Variants in TRHDE observed in about 807,000 individuals in gnomAD.
The protein encoded by TRHDE is thyrotropin-releasing hormone-degrading ectoenzyme.
TRHDE carries 72 observed loss-of-function variants against 125.7 expected under a neutral mutation model. The observed-to-expected ratio is 0.57, with a 90% CI of 0.47 to 0.70. The LOEUF is 0.70. Ranked by LOEUF, TRHDE falls within the 30% of genes least tolerant of loss-of-function variation. The probability of loss-of-function intolerance (pLI) is 0.00; values close to 1 mark genes in which losing one functional copy is unlikely to be tolerated. For missense variants in TRHDE, 1,110 were observed against 1,327.1 expected, an observed-to-expected ratio of 0.84 and a Z score of 2.54; for synonymous variants, 509 against 509.1, an observed-to-expected ratio of 1.00 and a Z score of 0.00.
intron 2 of TRHDE, among the ~76,000 whole-genome samples, chr12:72,206,745 AAATT>A (rs1442327486): frequency 6.6e-6 from 1 of 152,084 alleles, no homozygotes; most frequent in African/African-American, 2.4e-5. Context: ...TTAAAAAAGA[AAATT>A]AATACATAAT....
intron 2 of TRHDE, among the ~76,000 whole-genome samples, chr12:72,220,004 T>C (rs773085311): frequency 2.0e-5 from 3 of 152,118 alleles, no homozygotes; most frequent in Non-Finnish European, 4.4e-5. Context: ...GAAAGAAGCA[T>C]GGAGTAAGCC....
At chr12:72,309,911 A>G (rs1868460916) in intron 2 of TRHDE, 1 of 152,300 alleles carries the variant, frequency 6.6e-6, no homozygotes, top group Non-Finnish European at 1.5e-5. Flanking sequence ...GGCGAAGAAC[A>G]TTTTATTTTC....
rs1002161672 is a variant in TRHDE at position 72,670,074 on chromosome 12, C to A, written c.*6879C>A. The A allele has an allele frequency of 2.0e-5, 3 of 151,588 alleles. No homozygotes were observed. The highest frequency in any genetic ancestry group is 6.6e-5 in the Admixed American group (1 of 15,144). The allele number at this position is 151,588 out of a possible 1,614,324, so 9.4% of individuals were successfully genotyped here. A position where few individuals can be genotyped will look rare whatever the true frequency, so the allele number is the denominator to read the frequency against. ...AATATTATGAACTATTTTGAGTGGACCTAAATTTATTCAGTAATAAAGTTT... is the reference window on the plus strand; with the variant it reads ...AATATTATGAACTATTTTGAGTGGAACTAAATTTATTCAGTAATAAAGTTT... On this transcript the variant is annotated 3_prime_UTR_variant, in exon 19 of 19. Coordinates refer to ENST00000261180, the MANE Select transcript of TRHDE (RefSeq NM_013381.3).
At chr12:72,221,357 G>A (rs913854523) in intron 2 of TRHDE, among the ~76,000 whole-genome samples, 2 of 152,008 alleles carry the variant, frequency 1.3e-5, no homozygotes, top group Non-Finnish European at 1.5e-5. Context: ...TTAAATATAT[G>A]AAGAAATATA....
chr12:72,306,618 A>T (rs1038773315), intron 2 of TRHDE: 2 of 152,158 alleles, frequency 1.3e-5, no homozygotes, highest in African/African-American at 4.8e-5. Context: ...TCATGTAATG[A>T]TGTTCTTTTA....
At chr12:72,480,127 G>A (rs1186661131) in intron 5 of TRHDE, among the ~76,000 whole-genome samples, 3 of 151,812 alleles carry the variant, frequency 2.0e-5, no homozygotes, top group Admixed American at 6.6e-5. Context: ...AAACATACGT[G>A]TGCATGTGTC....
intron 2 of TRHDE, among the ~76,000 whole-genome samples, chr12:72,175,782 T>C (rs1182451428): frequency 3.3e-5 from 5 of 152,216 alleles, no homozygotes; most frequent in Non-Finnish European, 4.4e-5. Flanking sequence ...ATTATGAAGA[T>C]AAGCATGCTA....
At chr12:72,206,086 A>AT (rs34424314) in intron 2 of TRHDE, among the ~76,000 whole-genome samples, 18,862 of 135,554 alleles carry the variant, frequency 0.14, 1,900 homozygotes, top group African/African-American at 0.28. Context: ...CAAAGGACAG[A>AT]TTTTTTTTTT....
intron 2 of TRHDE, among the ~76,000 whole-genome samples, chr12:72,131,882 C>A (rs1875874747): frequency 6.6e-6 from 1 of 152,138 alleles, no homozygotes; most frequent in Non-Finnish European, 1.5e-5. Flanking sequence ...AAGCATGTTC[C>A]CCCTACAAGG....
At chr12:72,478,986 TA>T (rs1212806456) in intron 5 of TRHDE, among the ~76,000 whole-genome samples, 1 of 151,502 alleles carries the variant, frequency 6.6e-6, no homozygotes, top group Non-Finnish European at 1.5e-5. Context: ...ACTAACAGGT[TA>T]AACTAGCTTT....
At chr12:72,400,353 C>T (rs985848580) in intron 3 of TRHDE, among the ~76,000 whole-genome samples, 4 of 152,084 alleles carry the variant, frequency 2.6e-5, no homozygotes, top group East Asian at 1.9e-4. Flanking sequence ...ACTGTTGGTA[C>T]GAGCAATTCT....
intron 3 of TRHDE, among the ~76,000 whole-genome samples, chr12:72,421,160 A>G (rs1873937286): frequency 6.6e-6 from 1 of 152,108 alleles, no homozygotes. Flanking sequence ...CAACCAACTC[A>G]AATTTATGTC....
At chr12:72,652,738 A>G (rs1202322645) in intron 16 of TRHDE, among the ~76,000 whole-genome samples, 2 of 151,696 alleles carry the variant, frequency 1.3e-5, no homozygotes, top group African/African-American at 2.4e-5. Flanking sequence ...AGTGTTTAAT[A>G]TAAAGAATTT....
intron 2 of TRHDE, among the ~76,000 whole-genome samples, chr12:72,213,585 T>C (rs1877828512): frequency 6.6e-6 from 1 of 152,148 alleles, no homozygotes; most frequent in Non-Finnish European, 1.5e-5. Flanking sequence ...TGAAATCTGC[T>C]CTTTCCACTG....
At chr12:72,594,978 T>C (rs1871865612) in intron 12 of TRHDE, among the ~76,000 whole-genome samples, 1 of 150,862 alleles carries the variant, frequency 6.6e-6, no homozygotes, top group African/African-American at 2.4e-5. Flanking sequence ...ATGGATGAAA[T>C]TGGAAATCAT....
intron 5 of TRHDE, among the ~76,000 whole-genome samples, chr12:72,474,296 A>G (rs1876788315): frequency 6.6e-6 from 1 of 152,162 alleles, no homozygotes; most frequent in African/African-American, 2.4e-5. Context: ...ACAACATAAG[A>G]TCTGCCCTTC....
intron 6 of TRHDE, among the ~76,000 whole-genome samples, chr12:72,514,274 C>A (rs932958035): frequency 6.6e-6 from 1 of 151,982 alleles, no homozygotes; most frequent in Non-Finnish European, 1.5e-5. Context: ...ACAGCAGAAA[C>A]AATTAAGAGA....
intron 18 of TRHDE, among the ~76,000 whole-genome samples, chr12:72,658,019 T>C (rs1204898918): frequency 6.6e-6 from 1 of 152,118 alleles, no homozygotes; most frequent in Non-Finnish European, 1.5e-5. Context: ...TCTTCTAATA[T>C]TGTCCAGTTT....
At chr12:72,103,426 C>A (rs1399430484) in intron 1 of TRHDE, among the ~76,000 whole-genome samples, 1 of 152,060 alleles carries the variant, frequency 6.6e-6, no homozygotes, top group East Asian at 1.9e-4. Context: ...GGAAAGGAGA[C>A]CAGTATGGCA....
Sources: allele counts gnomAD v4.1 joint callset (sites outside exome capture counted in the v4.1 genomes callset), GRCh38; gene constraint gnomAD v4.1.1; transcripts MANE v1.5; gene names NCBI Gene and HGNC (gene_info 2026-07-23, HGNC 2026-07-21).